The following TUBB8 variants were observed in gnomAD, a reference collection of about 807,000 sequenced individuals.
TUBB8 encodes tubulin beta 8 class VIII.
Under a neutral mutation model 33.7 loss-of-function variants are expected in TUBB8, and 25 were observed. That is an observed-to-expected ratio of 0.74 (90% CI 0.54 to 1.04). TUBB8 has a LOEUF of 1.04. TUBB8 is among the 50% of genes least tolerant of loss of function. The pLI is 0.00. For synonymous variants in TUBB8, 245 were observed against 240.1 expected, an observed-to-expected ratio of 1.02 and a Z score of -0.19; for missense variants, 279 against 608.0, an observed-to-expected ratio of 0.46 and a Z score of 5.69.
chr10:69,795 G>T (rs1834713981), intron 1 of TUBB8, among the ~76,000 whole-genome samples: 1 of 152,160 alleles, frequency 6.6e-6, no homozygotes, highest in African/African-American at 2.4e-5. Context: ...TACTGGGGAG[G>T]CTGAAGCGGG....
chr10:74,504 G>A (rs192832033), upstream of TUBB8, among the ~76,000 whole-genome samples: 1,111 of 151,724 alleles, frequency 7.3e-3, 19 homozygotes, highest in African/African-American at 0.025. Context: ...GCACACGCCT[G>A]TAGTCCCAGC....
downstream of TUBB8, among the ~76,000 whole-genome samples, chr10:46,597 G>A (rs1195241151): frequency 1.3e-3 from 189 of 141,882 alleles, no homozygotes; most frequent in Admixed American, 4.2e-3. Context: ...CCCTTTTAAC[G>A]TTCCAGAAAC....
At chr10:56,656 A>G (rs1482953016) in intron 1 of TUBB8, among the ~76,000 whole-genome samples, 1 of 152,254 alleles carries the variant, frequency 6.6e-6, no homozygotes, top group African/African-American at 2.4e-5. Flanking sequence ...TCCAAAGGAA[A>G]TGATGCCAAA....
At chr10:65,111 G>A (rs1283584636) in intron 1 of TUBB8, among the ~76,000 whole-genome samples, 6 of 152,174 alleles carry the variant, frequency 3.9e-5, no homozygotes, top group Middle Eastern at 3.2e-3. Context: ...CTGTGCCACT[G>A]CACTCCTCCC....
At chr10:48,577 G>A (rs1554738772) in intron 3 of TUBB8, 38 bp downstream of exon 3, 6 of 1,549,794 alleles carry the variant, frequency 3.9e-6, no homozygotes, top group Non-Finnish European at 5.3e-6. Context: ...AGCTGCCCTG[G>A]CTAAGGAGCC....
chr10:57,723 A>C (rs1554740362), intron 1 of TUBB8, among the ~76,000 whole-genome samples: 1 of 152,192 alleles, frequency 6.6e-6, no homozygotes, highest in African/African-American at 2.4e-5. Flanking sequence ...CTCTTCTTTT[A>C]GGCCTCAGGG....
chr10:54,525 TG>T, intron 1 of TUBB8, among the ~76,000 whole-genome samples: 1 of 152,024 alleles, frequency 6.6e-6, no homozygotes, highest in Non-Finnish European at 1.5e-5. Flanking sequence ...CCACCTTAAC[TG>T]AGGTGAAATG....
chr10:72,234 A>C (rs1554742415), intron 1 of TUBB8, among the ~76,000 whole-genome samples: 1 of 148,288 alleles, frequency 6.7e-6, no homozygotes, highest in Non-Finnish European at 1.5e-5. Context: ...TCAAAAAACA[A>C]ACAAAAAAAT....
intron 1 of TUBB8, among the ~76,000 whole-genome samples, chr10:61,998 A>AT (rs202027144): frequency 2.0e-4 from 30 of 151,236 alleles, no homozygotes; most frequent in African/African-American, 3.4e-4. Context: ...TAGGTAAAGT[A>AT]TTTTTTTTTT....
chr10:72,253 T>TAAAA (rs1834747106), intron 1 of TUBB8, among the ~76,000 whole-genome samples: 1 of 116,390 alleles, frequency 8.6e-6, no homozygotes, highest in African/African-American at 3.3e-5. Context: ...ATTTTTTTAA[T>TAAAA]TAAAAAAAAA....
At chr10:69,756 G>A (rs1380804235) in intron 1 of TUBB8, among the ~76,000 whole-genome samples, 2 of 152,198 alleles carry the variant, frequency 1.3e-5, no homozygotes, top group Admixed American at 1.3e-4. Context: ...AATTAGCTGA[G>A]CACGGTTGTA....
chr10:60,056 TC>T (rs1554740666), intron 1 of TUBB8, among the ~76,000 whole-genome samples: 2 of 152,216 alleles, frequency 1.3e-5, no homozygotes, highest in African/African-American at 4.8e-5. Context: ...GTTTTACTGT[TC>T]AAAAAATCAA....
chr10:46,712 A>C (rs1275179241), downstream of TUBB8: 32 of 358,768 alleles, frequency 8.9e-5, no homozygotes, highest in Non-Finnish European at 4.6e-5. Context: ...GGGCATCCCC[A>C]AGTTCATGTG....
upstream of TUBB8, among the ~76,000 whole-genome samples, chr10:75,581 G>A (rs1834800559): frequency 6.7e-6 from 1 of 149,904 alleles, no homozygotes; most frequent in Non-Finnish European, 1.5e-5. Flanking sequence ...CTTAAACCCG[G>A]GAGGCGGAGG....
rs781884009 is a variant in TUBB8, at chr10:48,177, T to C, written c.278-63A>G. On this transcript the variant is annotated intron_variant, in intron 3 of 3. Coordinates refer to ENST00000568584, the MANE Select transcript of TUBB8 (RefSeq NM_177987.3). The stretch of plus-strand genomic sequence containing the variant: ...ATACGGTCATCAGTGGTCACCACCA[T>C]AATGCAGAAAGAGCCAAGCGTCACA... 4 of 1,093,120 alleles carry C rather than the reference T, an allele frequency of 3.7e-6. No individual in the cohort carries two copies. The African/African-American group carries it at 4.5e-5, about 12-fold the overall frequency. 67.7% of individuals were successfully genotyped at this position (1,093,120 alleles called of 1,614,324 possible). A position where few individuals can be genotyped will look rare whatever the true frequency, so the allele number is the denominator to read the frequency against.
In TUBB8 at chr10:47,285, C is replaced by T. The variant is rs782726786; in HGVS notation, c.1107G>A (p.Gly369=). 5.0e-6 allele frequency: 8 copies of T among 1,613,790 alleles called. No homozygotes were observed. The highest frequency in any genetic ancestry group is 6.8e-6 in the Non-Finnish European group (8 of 1,180,010). Residue 369 remains glycine (G), a synonymous_variant, in exon 4 of 4, where the codon GGG becomes GGA. Coordinates refer to ENST00000568584, the MANE Select transcript of TUBB8 (RefSeq NM_177987.3). The part of the protein sequence containing the change: ...RGLKMSATFI[G]NNTAIQELFK... The stretch of plus-strand genomic sequence containing the variant: ...AGAGTTCCTGGATGGCCGTATTATT[C>T]CCAATGAAGGTGGCTGACATTTTTA...
intron 3 of TUBB8, 177 bp downstream of exon 3, chr10:48,438 C>G (rs1293268725): frequency 1.1e-4 from 74 of 688,428 alleles, no homozygotes; most frequent in Non-Finnish European, 5.2e-5. Flanking sequence ...GAGGAGACAC[C>G]AGGGCCTTCC....
At chr10:68,637 T>C (rs1179990311) in intron 1 of TUBB8, among the ~76,000 whole-genome samples, 3 of 152,236 alleles carry the variant, frequency 2.0e-5, no homozygotes, top group Admixed American at 2.0e-4. Context: ...CTAGGAATCT[T>C]GCAATAGCAG....
chr10:48,535 A>C, intron 3 of TUBB8, 80 bp downstream of exon 3: 1 of 1,376,312 alleles, frequency 7.3e-7, no homozygotes, highest in Non-Finnish European at 1.0e-6. Context: ...CACAGTTCCC[A>C]GAGGATGACC....
Sources: gnomAD v4.1 joint callset for allele counts (sites outside exome capture counted in the v4.1 genomes callset) on GRCh38, gnomAD v4.1.1 for gene constraint, MANE v1.5 for transcripts, NCBI Gene and HGNC (gene_info 2026-07-23, HGNC 2026-07-21) for gene names.